GALNT2: variants seen among roughly 807,000 people sequenced by gnomAD.
GALNT2 encodes the protein UDP-GalNAc:polypeptide N-acetylgalactosaminyltransferase 2.
Under a neutral mutation model 81.4 loss-of-function variants are expected in GALNT2, and 31 were observed. That is an observed-to-expected ratio of 0.38 (90% CI 0.29 to 0.51). GALNT2 has a LOEUF of 0.51. Ranked by LOEUF, GALNT2 falls within the 20% of genes least tolerant of loss-of-function variation. The pLI, the probability that GALNT2 is intolerant of heterozygous loss-of-function variation, is 0.87. For missense variants in GALNT2, 629 were observed against 765.7 expected (o/e 0.82, Z 2.11); for synonymous variants, 303 against 287.4 (o/e 1.05, Z -0.55).
intron 1 of GALNT2, among the ~76,000 whole-genome samples, chr1:230,131,739 G>A (rs1351487793): frequency 2.0e-5 from 3 of 152,318 alleles, no homozygotes; most frequent in Middle Eastern, 3.4e-3. Flanking sequence ...ATGGGGTCCT[G>A]TTGGAGGCCG....
chr1:230,230,194 C>T (rs1218637799), intron 3 of GALNT2, among the ~76,000 whole-genome samples: 1 of 152,180 alleles, frequency 6.6e-6, no homozygotes, highest in Non-Finnish European at 1.5e-5. Flanking sequence ...CTAAGACTTG[C>T]CCCTCAGCTT....
intron 1 of GALNT2, among the ~76,000 whole-genome samples, chr1:230,123,796 T>G (rs542643200): frequency 1.6e-4 from 24 of 152,374 alleles, no homozygotes; most frequent in African/African-American, 5.8e-4. Flanking sequence ...TTTTGTCTAC[T>G]TTAACCTCAT....
At chr1:230,231,431 A>C (rs930743214) in intron 3 of GALNT2, among the ~76,000 whole-genome samples, 1 of 152,188 alleles carries the variant, frequency 6.6e-6, no homozygotes, top group Non-Finnish European at 1.5e-5. Flanking sequence ...CCCAGGGTAG[A>C]GAAGGAAACC....
intron 6 of GALNT2, among the ~76,000 whole-genome samples, chr1:230,239,119 T>C (rs1198451720): frequency 6.6e-6 from 1 of 152,184 alleles, no homozygotes. Flanking sequence ...GCTTATGATA[T>C]TGTCTCTTTT....
chr1:230,181,496 T>C, intron 2 of GALNT2, among the ~76,000 whole-genome samples: 1 of 152,230 alleles, frequency 6.6e-6, no homozygotes, highest in East Asian at 1.9e-4. Context: ...TGATTTGCTT[T>C]ATTTTGTTGA....
At chr1:230,208,706 C>G (rs549635899) in intron 3 of GALNT2, among the ~76,000 whole-genome samples, 1 of 152,234 alleles carries the variant, frequency 6.6e-6, no homozygotes, top group South Asian at 2.1e-4. Flanking sequence ...CTGTAGATTG[C>G]GTACTATTTT....
chr1:230,103,317 C>T (rs1276529763), intron 1 of GALNT2, among the ~76,000 whole-genome samples: 1 of 152,176 alleles, frequency 6.6e-6, no homozygotes, highest in Non-Finnish European at 1.5e-5. Flanking sequence ...TGTTTACTGT[C>T]TTCACCTTAA....
intron 1 of GALNT2, among the ~76,000 whole-genome samples, chr1:230,080,650 AC>A (rs1659698897): frequency 6.6e-6 from 1 of 152,128 alleles, no homozygotes; most frequent in Admixed American, 6.5e-5. Flanking sequence ...GGCTGCTGTG[AC>A]ATGGCAGAGA....
chr1:230,192,386 C>G (rs1466850575), intron 2 of GALNT2, among the ~76,000 whole-genome samples: 1 of 152,190 alleles, frequency 6.6e-6, no homozygotes, highest in Admixed American at 6.5e-5. Flanking sequence ...AAGTAGCAGA[C>G]CAAGTAGTCA....
intron 1 of GALNT2, among the ~76,000 whole-genome samples, chr1:230,134,925 G>A (rs1250846931): frequency 1.3e-5 from 2 of 152,210 alleles, no homozygotes; most frequent in African/African-American, 2.4e-5. Context: ...TTTCTCCGCT[G>A]TATTTAAGTA....
chr1:230,204,421 G>A (rs1411753259), intron 3 of GALNT2, among the ~76,000 whole-genome samples: 2 of 151,154 alleles, frequency 1.3e-5, no homozygotes, highest in Non-Finnish European at 3.0e-5. Flanking sequence ...CGCCCGCCTC[G>A]GCCTCCCAAA....
chr1:230,226,320 C>T (rs971767529), intron 3 of GALNT2, among the ~76,000 whole-genome samples: 1 of 152,238 alleles, frequency 6.6e-6, no homozygotes, highest in African/African-American at 2.4e-5. Context: ...TCTATTGCAT[C>T]ACCAGCTGTG....
intron 15 of GALNT2, among the ~76,000 whole-genome samples, chr1:230,278,071 A>G (rs1666344332): frequency 1.3e-5 from 2 of 151,452 alleles, no homozygotes; most frequent in Non-Finnish European, 2.9e-5. Flanking sequence ...TTAAGAACAA[A>G]CATTAGAGAT....
chr1:230,157,013 T>C (rs2102842196), intron 1 of GALNT2, among the ~76,000 whole-genome samples: 1 of 152,334 alleles, frequency 6.6e-6, no homozygotes, highest in East Asian at 1.9e-4. Flanking sequence ...AGAGGTAACA[T>C]TGAGTCAGAG....
At chr1:230,159,291 T>C (rs1466927376) in intron 1 of GALNT2, among the ~76,000 whole-genome samples, 1 of 152,200 alleles carries the variant, frequency 6.6e-6, no homozygotes, top group Admixed American at 6.5e-5. Flanking sequence ...TGATATCTCA[T>C]CTTTGCACAC....
intron 1 of GALNT2, among the ~76,000 whole-genome samples, chr1:230,114,600 C>T (rs1286273232): frequency 6.6e-6 from 1 of 152,152 alleles, no homozygotes. Flanking sequence ...GTAGACATTC[C>T]CTTGACCTCG....
rs546387068 is a variant in GALNT2 at position 230,184,015 on chromosome 1, T to TA, written c.220+5705dup. ...GAAAAGTTTTTATTTTACCTTCACT[T>TA]ATTCCTTCTTTGATGCATCCTTTCT... On this transcript the variant is annotated intron_variant, in intron 2 of 15. Coordinates refer to ENST00000366672, the MANE Select transcript of GALNT2 (RefSeq NM_004481.5). Among the ~76,000 whole-genome samples, 293 of 152,134 alleles carry TA rather than the reference T, an allele frequency of 1.9e-3. 2 individuals are homozygous for TA. Among genetic ancestry groups the TA allele is most frequent in the African/African-American group, 6.6e-3 (276 of 41,520 alleles).
chr1:230,220,468 A>T (rs1303677553), intron 3 of GALNT2, among the ~76,000 whole-genome samples: 1 of 151,990 alleles, frequency 6.6e-6, no homozygotes, highest in Non-Finnish European at 1.5e-5. Context: ...AACTCCCGGG[A>T]TGGTCTTCAG....
chr1:230,075,498 C>G (rs6541267), intron 1 of GALNT2, among the ~76,000 whole-genome samples: 1 of 152,036 alleles, frequency 6.6e-6, no homozygotes, highest in African/African-American at 2.4e-5. Flanking sequence ...TCCTGAAGGC[C>G]GCAATCCTCA....
Sources: allele counts gnomAD v4.1 joint callset (sites outside exome capture counted in the v4.1 genomes callset), GRCh38; gene constraint gnomAD v4.1.1; transcripts MANE v1.5; gene names NCBI Gene and HGNC (gene_info 2026-07-23, HGNC 2026-07-21).